The following PRDM11 variants were observed in gnomAD, a reference collection of about 807,000 sequenced individuals.
The protein encoded by PRDM11 is PR domain-containing protein 11.
In PRDM11, 20 loss-of-function variants were observed where a neutral mutation model predicts 97.8. The ratio of observed to expected loss-of-function variants is 0.20; its 90% CI spans 0.14 to 0.30. PRDM11 has a LOEUF of 0.30. Among genes scored for constraint, PRDM11 ranks in the 10% least tolerant of loss-of-function variants. The pLI is 1.00. For synonymous variants in PRDM11, 599 were observed against 637.7 expected (o/e 0.94, Z 0.91); for missense variants, 1,139 against 1,555.2 (o/e 0.73, Z 4.50).
At chr11:45,181,241 GC>G (rs995853256) in intron 1 of PRDM11, among the ~76,000 whole-genome samples, 1 of 152,160 alleles carries the variant, frequency 6.6e-6, no homozygotes, top group Non-Finnish European at 1.5e-5. Context: ...CCTCGCCAGC[GC>G]CCCCAGGCCC....
At chr11:45,204,306 A>G (rs1273241773) in intron 4 of PRDM11, among the ~76,000 whole-genome samples, 1 of 152,206 alleles carries the variant, frequency 6.6e-6, no homozygotes, top group Admixed American at 6.5e-5. Context: ...TCTGTCTCCC[A>G]CAGAAACTGT....
chr11:45,155,503 T>G (rs1386419028), intron 1 of PRDM11, among the ~76,000 whole-genome samples: 1 of 152,070 alleles, frequency 6.6e-6, no homozygotes, highest in Non-Finnish European at 1.5e-5. Context: ...TCACAGCCCT[T>G]TACTGTTCCA....
intron 1 of PRDM11, among the ~76,000 whole-genome samples, chr11:45,133,489 A>G (rs1340435078): frequency 6.6e-6 from 1 of 152,230 alleles, no homozygotes; most frequent in Admixed American, 6.5e-5. Flanking sequence ...GGATAAAGAC[A>G]TATTTCTGAT....
intron 5 of PRDM11, chr11:45,213,369 C>T (rs990340749): frequency 1.3e-5 from 6 of 449,114 alleles, no homozygotes; most frequent in African/African-American, 2.0e-5. Flanking sequence ...GGGGAGCATC[C>T]GAATGGAGTC....
intron 1 of PRDM11, among the ~76,000 whole-genome samples, chr11:45,165,225 C>T (rs539652667): frequency 9.6e-4 from 146 of 152,278 alleles, no homozygotes; most frequent in African/African-American, 3.2e-3. Flanking sequence ...CTGCCCTCCT[C>T]GCCTCTCCCA....
chr11:45,108,615 G>C (rs1486214210), intron 1 of PRDM11, among the ~76,000 whole-genome samples: 1 of 152,142 alleles, frequency 6.6e-6, no homozygotes, highest in Admixed American at 6.5e-5. Flanking sequence ...CTCATGGTGG[G>C]GCCTCACTCC....
At position 45,226,531 on chromosome 11, in the gene PRDM11, C is replaced by T. The variant is rs1565350241; in HGVS notation, c.1906C>T (p.Leu636Phe). The T allele has an allele frequency of 1.3e-6, 2 of 1,533,994 alleles. No homozygotes were observed. The highest frequency in any genetic ancestry group is 2.0e-5 in the Admixed American group (1 of 50,994). Residue 636 changes from leucine to phenylalanine, a missense_variant, in exon 8 of 8, where the codon CTC becomes TTC. Physicochemically the swap from Leu to Phe is conservative, Grantham distance 22. Coordinates refer to ENST00000683152, the MANE Select transcript of PRDM11 (RefSeq NM_001384648.1). ...QYMNEGDCQI[L>F]IHHIARALRE... ...CATGAATGAGGGAGACTGCCAGATCCTCATCCATCACATCGCCCGGGCCCT... is the reference window on the plus strand; with the variant it reads ...CATGAATGAGGGAGACTGCCAGATCTTCATCCATCACATCGCCCGGGCCCT...
intron 1 of PRDM11, among the ~76,000 whole-genome samples, chr11:45,127,848 C>T (rs1031405971): frequency 8.5e-5 from 13 of 152,214 alleles, no homozygotes; most frequent in African/African-American, 1.4e-4. Flanking sequence ...TCTCCAGCTG[C>T]GTGCTGGGAG....
intron 1 of PRDM11, 110 bp downstream of exon 1, chr11:45,146,987 TG>T: frequency 7.5e-6 from 1 of 133,968 alleles, no homozygotes; most frequent in South Asian, 2.3e-4. Flanking sequence ...GAGCGGCGGC[TG>T]GGGGCGGGGG....
At chr11:45,203,619 C>T (rs549734931) in intron 4 of PRDM11, among the ~76,000 whole-genome samples, 46 of 125,722 alleles carry the variant, frequency 3.7e-4, no homozygotes, top group African/African-American at 1.2e-3. Context: ...GAGCTACTCC[C>T]ATAATTTTTT....
At chr11:45,099,560 T>C (rs773939223) in intron 1 of PRDM11, among the ~76,000 whole-genome samples, 5 of 151,706 alleles carry the variant, frequency 3.3e-5, no homozygotes, top group African/African-American at 4.9e-5. Context: ...CTTTTTTTTT[T>C]ACTTTTTTTA....
chr11:45,212,976 C>A (rs953312455), intron 5 of PRDM11: 2 of 395,338 alleles, frequency 5.1e-6, no homozygotes, highest in South Asian at 1.9e-5. Flanking sequence ...CCAGAGCCCC[C>A]ACCAGCTTCC....
At position 45,178,221 on chromosome 11, in the gene PRDM11, C is replaced by G. The variant is rs190895602; in HGVS notation, c.-6-3540C>G. 8.7e-4 allele frequency among the ~76,000 whole-genome samples: 133 copies of G among 152,230 alleles called. 3 individuals are homozygous for G. Among genetic ancestry groups the G allele is most frequent in the Admixed American group, 8.2e-3 (125 of 15,288 alleles). ...TATTGCCTATCCTCCCTCCAAACCC[C>G]TTCCGCATCCCTCTGTGCCCTCCTC... On this transcript the variant is annotated intron_variant, in intron 1 of 7. Transcript: ENST00000683152.
At chr11:45,114,571 A>G (rs771509512) in intron 1 of PRDM11, among the ~76,000 whole-genome samples, 2 of 152,146 alleles carry the variant, frequency 1.3e-5, no homozygotes, top group South Asian at 4.1e-4. Flanking sequence ...TATATACTCA[A>G]TAAGCTCACT....
intron 5 of PRDM11, among the ~76,000 whole-genome samples, chr11:45,208,530 A>C (rs1647629899): frequency 6.6e-6 from 1 of 152,170 alleles, no homozygotes; most frequent in Admixed American, 6.5e-5. Flanking sequence ...TTAGTAATAA[A>C]CCCGAAGAGT....
intron 1 of PRDM11, among the ~76,000 whole-genome samples, chr11:45,127,921 C>T (rs1259937443): frequency 6.6e-6 from 1 of 152,236 alleles, no homozygotes; most frequent in Non-Finnish European, 1.5e-5. Context: ...TTACTGCTGT[C>T]TTTTTGTCTT....
intron 1 of PRDM11, among the ~76,000 whole-genome samples, chr11:45,172,925 G>A (rs1852236169): frequency 6.6e-6 from 1 of 152,174 alleles, no homozygotes; most frequent in African/African-American, 2.4e-5. Context: ...CTCGCTTCAT[G>A]CTGAAGATGC....
intron 1 of PRDM11, among the ~76,000 whole-genome samples, chr11:45,166,355 C>G (rs1237613668): frequency 6.6e-6 from 1 of 152,254 alleles, no homozygotes; most frequent in Admixed American, 6.5e-5. Flanking sequence ...AAGGGCCCTT[C>G]TCTTTCCAGC....
At chr11:45,180,952 G>A (rs1460531171) in intron 1 of PRDM11, among the ~76,000 whole-genome samples, 2 of 152,152 alleles carry the variant, frequency 1.3e-5, no homozygotes, top group East Asian at 3.9e-4. Flanking sequence ...TGGGGCCCCG[G>A]TGGGGAGCAG....
Sources: gnomAD v4.1 joint callset for allele counts (sites outside exome capture counted in the v4.1 genomes callset) on GRCh38, gnomAD v4.1.1 for gene constraint, MANE v1.5 for transcripts, NCBI Gene and HGNC (gene_info 2026-07-23, HGNC 2026-07-21) for gene names.